Variants in ENOX1 observed in about 807,000 individuals in gnomAD.
ENOX1 encodes candidate growth-related and time keeping constitutive hydroquinone (NADH) oxidase.
A neutral mutation model predicts 82.5 loss-of-function variants in ENOX1; 42 were observed. That is an observed-to-expected ratio of 0.51 (90% CI 0.40 to 0.66). The LOEUF is 0.66. ENOX1 is among the 30% of genes least tolerant of loss of function. ENOX1 has a pLI of 0.00. For synonymous variants in ENOX1, 271 were observed against 282.2 expected, an observed-to-expected ratio of 0.96 and a Z score of 0.40; for missense variants, 608 against 811.6, an observed-to-expected ratio of 0.75 and a Z score of 3.05.
chr13:43,724,838 A>C (rs2088827954), intron 1 of ENOX1, among the ~76,000 whole-genome samples: 2 of 152,150 alleles, frequency 1.3e-5, no homozygotes, highest in Non-Finnish European at 2.9e-5. Context: ...CACAGCTTGT[A>C]TCTAAAGCTA....
intron 1 of ENOX1, among the ~76,000 whole-genome samples, chr13:43,721,657 C>T (rs990233077): frequency 2.0e-5 from 3 of 152,108 alleles, no homozygotes; most frequent in Non-Finnish European, 4.4e-5. Flanking sequence ...GGATTACAGG[C>T]ATGAGCCACC....
chr13:43,574,406 A>G (rs1593892984), intron 2 of ENOX1, among the ~76,000 whole-genome samples: 1 of 152,194 alleles, frequency 6.6e-6, no homozygotes, highest in South Asian at 2.1e-4. Flanking sequence ...AAATGAAAGA[A>G]TCCTTTCAGC....
At chr13:43,647,489 T>A (rs2083949618) in intron 2 of ENOX1, among the ~76,000 whole-genome samples, 1 of 152,168 alleles carries the variant, frequency 6.6e-6, no homozygotes, top group Non-Finnish European at 1.5e-5. Flanking sequence ...AACAGCAATC[T>A]AGGCTCACTC....
chr13:43,622,947 G>A (rs879405135), intron 2 of ENOX1, among the ~76,000 whole-genome samples: 2 of 152,104 alleles, frequency 1.3e-5, no homozygotes, highest in African/African-American at 4.8e-5. Flanking sequence ...TACTTTCAGG[G>A]ATGGGGGTGA....
chr13:43,502,103 C>G (rs1040996260), intron 2 of ENOX1, among the ~76,000 whole-genome samples: 1 of 151,348 alleles, frequency 6.6e-6, no homozygotes, highest in East Asian at 1.9e-4. Flanking sequence ...ACAATATATA[C>G]GAACACATTG....
chr13:43,264,798 G>C (rs936264299), intron 14 of ENOX1, among the ~76,000 whole-genome samples: 3 of 152,170 alleles, frequency 2.0e-5, no homozygotes, highest in Admixed American at 1.3e-4. Context: ...AAGGCAAAAA[G>C]AACACTTGTT....
At chr13:43,302,557 G>C (rs1000603985) in intron 11 of ENOX1, among the ~76,000 whole-genome samples, 9 of 152,084 alleles carry the variant, frequency 5.9e-5, no homozygotes, top group African/African-American at 2.2e-4. Context: ...TCAAAACTTA[G>C]CACTAGACTA....
chr13:43,565,358 G>A lies in ENOX1; in HGVS notation c.-218-81206C>T, dbSNP rs147246204. On this transcript the variant is annotated intron_variant, in intron 2 of 16. Coordinates refer to ENST00000690772, the MANE Select transcript of ENOX1 (RefSeq NM_001347969.2). ...GTAATTGTGAAGTCCAACTTTGAAC[G>A]TCAAGCACACATTTCTCCCTTCGTT... 3.1e-4 allele frequency among the ~76,000 whole-genome samples: 47 copies of A among 152,274 alleles called. 1 individual carries two copies. The East Asian group carries it at 7.5e-3, about 24-fold the overall frequency.
intron 1 of ENOX1, among the ~76,000 whole-genome samples, chr13:43,733,584 T>C (rs1331017882): frequency 6.6e-6 from 1 of 152,194 alleles, no homozygotes; most frequent in Non-Finnish European, 1.5e-5. Flanking sequence ...TAAAAAGCCT[T>C]CTCATCTTGC....
chr13:43,411,833 C>A, intron 5 of ENOX1, 83 bp downstream of exon 5: 1 of 1,545,744 alleles, frequency 6.5e-7, no homozygotes, highest in South Asian at 1.1e-5. Flanking sequence ...CCAACACTCG[C>A]GGTACAGAGA....
rs145189010 is a variant in ENOX1, at chr13:43,566,651, C to T, written c.-218-82499G>A. Among the ~76,000 whole-genome samples, 285 of 151,272 alleles carry T rather than the reference C, an allele frequency of 1.9e-3. 2 individuals are homozygous for T. The highest frequency in any genetic ancestry group is 6.6e-3 in the African/African-American group (274 of 41,238). On this transcript the variant is annotated intron_variant, in intron 2 of 16. Coordinates refer to ENST00000690772, the MANE Select transcript of ENOX1 (RefSeq NM_001347969.2). Reference sequence around the variant, plus strand: ...ATAATTATTTCTGAAAAAAATAGAGCAAAGACTAAAAGCTAAGAACTTTGA... The same window carrying T: ...ATAATTATTTCTGAAAAAAATAGAGTAAAGACTAAAAGCTAAGAACTTTGA...
intron 1 of ENOX1, among the ~76,000 whole-genome samples, chr13:43,686,164 G>A (rs1594406154): frequency 1.3e-5 from 2 of 152,074 alleles, no homozygotes; most frequent in East Asian, 3.9e-4. Flanking sequence ...GATATACCAG[G>A]ACTTTATTTG....
At chr13:43,641,780 G>GC (rs2083665920) in intron 2 of ENOX1, among the ~76,000 whole-genome samples, 1 of 151,906 alleles carries the variant, frequency 6.6e-6, no homozygotes, top group African/African-American at 2.4e-5. Context: ...TGATCCAACT[G>GC]CCTCAGCCTC....
intron 2 of ENOX1, chr13:43,547,262 A>C (rs1197253583): frequency 3.9e-5 from 6 of 152,188 alleles, no homozygotes; most frequent in African/African-American, 1.4e-4. Flanking sequence ...AATCAACTAC[A>C]ATCACAATTT....
chr13:43,745,901 C>T (rs1949996447), intron 1 of ENOX1, among the ~76,000 whole-genome samples: 2 of 152,148 alleles, frequency 1.3e-5, no homozygotes, highest in East Asian at 1.9e-4. Flanking sequence ...GTTTGCTTCC[C>T]CTTCCGCCAT....
At position 43,361,361 on chromosome 13, in the gene ENOX1, T is replaced by G. The variant is rs1389459318; in HGVS notation, c.300A>C (p.Val100=). The change falls in exon 6 of 17, where the codon GTA becomes GTC. Residue 100 remains valine, a synonymous_variant. Coordinates refer to ENST00000690772, the MANE Select transcript of ENOX1 (RefSeq NM_001347969.2). ...CCACTTCTGTTGGTGGTGGGGGAGG[T>G]ACCAGTCCAAGGCCTGGTATCATTG... is the stretch of plus-strand genomic sequence containing the variant. The part of the protein sequence containing the change: ...INPMIPGLGL[V]PPPPPTEVAV... The G allele has an allele frequency of 6.2e-7, 1 of 1,613,950 alleles. No homozygotes were observed. The highest frequency in any genetic ancestry group is 1.7e-5 in the Admixed American group (1 of 59,994).
At chr13:43,477,114 T>C (rs958564046) in intron 3 of ENOX1, among the ~76,000 whole-genome samples, 1 of 151,740 alleles carries the variant, frequency 6.6e-6, no homozygotes, top group Admixed American at 6.6e-5. Context: ...CCCATCTATG[T>C]AAACTTAAAA....
intron 2 of ENOX1, among the ~76,000 whole-genome samples, chr13:43,489,490 T>G (rs1338334908): frequency 6.6e-6 from 1 of 152,156 alleles, no homozygotes; most frequent in Non-Finnish European, 1.5e-5. Flanking sequence ...ATGAACTTGC[T>G]TGCCACAGAG....
intron 2 of ENOX1, among the ~76,000 whole-genome samples, chr13:43,560,169 A>G (rs547055091): frequency 6.6e-6 from 1 of 152,344 alleles, no homozygotes; most frequent in East Asian, 1.9e-4. Context: ...ATTGTTCTGT[A>G]TCATTGACAT....
Sources: allele counts gnomAD v4.1 joint callset (sites outside exome capture counted in the v4.1 genomes callset), GRCh38; gene constraint gnomAD v4.1.1; transcripts MANE v1.5; gene names NCBI Gene and HGNC (gene_info 2026-07-23, HGNC 2026-07-21).